The following MAP3K3 variants were observed in gnomAD, a reference collection of about 807,000 sequenced individuals.
The protein encoded by MAP3K3 is mitogen-activated protein kinase kinase kinase 3.
MAP3K3 carries 12 observed loss-of-function variants against 80.9 expected under a neutral mutation model. The ratio of observed to expected loss-of-function variants is 0.15; its 90% CI spans 0.10 to 0.24. MAP3K3 has a LOEUF of 0.24. Among genes scored for constraint, MAP3K3 ranks in the 10% least tolerant of loss-of-function variants. MAP3K3 has a pLI of 1.00. For synonymous variants in MAP3K3, 272 were observed against 307.1 expected, an observed-to-expected ratio of 0.89 and a Z score of 1.19; for missense variants, 596 against 834.7, an observed-to-expected ratio of 0.71 and a Z score of 3.52.
chr17:63,651,123 C>T (rs1458183756), intron 3 of MAP3K3, among the ~76,000 whole-genome samples: 1 of 152,030 alleles, frequency 6.6e-6, no homozygotes, highest in East Asian at 1.9e-4. Flanking sequence ...ATAAAATTGC[C>T]ACTTTTATAT....
At chr17:63,628,850 C>T (rs1305006058) in intron 1 of MAP3K3, among the ~76,000 whole-genome samples, 1 of 152,050 alleles carries the variant, frequency 6.6e-6, no homozygotes, top group Non-Finnish European at 1.5e-5. Flanking sequence ...ATTAAATGGC[C>T]TCCAGTCTTT....
At chr17:63,635,176 T>C (rs1226686842) in intron 2 of MAP3K3, among the ~76,000 whole-genome samples, 2 of 152,208 alleles carry the variant, frequency 1.3e-5, no homozygotes, top group African/African-American at 2.4e-5. Flanking sequence ...TTGGACAGCA[T>C]GACTTTATGC....
In MAP3K3 at chr17:63,652,539, CTTTCTG is replaced by C. The variant is rs754004595; in HGVS notation, c.168-12_168-7del. 4.4e-6 allele frequency: 7 copies of C among 1,577,894 alleles called. No individual in the cohort carries two copies. In the South Asian group the frequency reaches 6.6e-5, roughly 15 times the overall value. Reference sequence around the variant, plus strand: ...TTAAGTATACAATTAACCAACCTTTCTTTCTGTTTCTTTTCAGAATTATAGCGTTCA... The same window carrying C: ...TTAAGTATACAATTAACCAACCTTTCTTTCTTTTCAGAATTATAGCGTTCA... On this transcript the variant is annotated splice_polypyrimidine_tract_variant and intron_variant, in intron 3 of 15. Transcript: ENST00000361733.
intron 5 of MAP3K3, among the ~76,000 whole-genome samples, chr17:63,658,285 C>A (rs1025744154): frequency 3.3e-5 from 5 of 152,200 alleles, no homozygotes; most frequent in African/African-American, 1.2e-4. Flanking sequence ...TTGAGACTGT[C>A]ATGCTTTATA....
chr17:63,636,784 C>T (rs547882043), intron 2 of MAP3K3: 18 of 322,600 alleles, frequency 5.6e-5, no homozygotes, highest in South Asian at 2.7e-4. Context: ...GGAGGCAGCC[C>T]GGCTGTGGGA....
At chr17:63,666,888 T>TA in intron 5 of MAP3K3, 52 bp from the exon 6 acceptor site, 4 of 1,603,266 alleles carry the variant, frequency 2.5e-6, no homozygotes, top group Non-Finnish European at 3.4e-6. Flanking sequence ...AAGACCTTGA[T>TA]AGGCCTGACT....
chr17:63,666,020 G>C (rs1437368691), intron 5 of MAP3K3, among the ~76,000 whole-genome samples: 1 of 152,174 alleles, frequency 6.6e-6, no homozygotes, highest in Non-Finnish European at 1.5e-5. Flanking sequence ...CCAGTGCCCT[G>C]CTTATTTGTA....
intron 3 of MAP3K3, among the ~76,000 whole-genome samples, chr17:63,650,696 G>GAGAGAGA (rs752583799): frequency 8.9e-6 from 1 of 112,484 alleles, no homozygotes; most frequent in South Asian, 2.6e-4. Context: ...GAGAGAGAGA[G>GAGAGAGA]TTTTTTTTTT....
At chr17:63,690,124 T>G in intron 11 of MAP3K3, 140 bp from the exon 12 acceptor site, 3 of 949,156 alleles carry the variant, frequency 3.2e-6, no homozygotes, top group Non-Finnish European at 4.7e-6. Flanking sequence ...TTGCTCCAGA[T>G]TGTGGTGGAG....
rs1168027068 is a variant in MAP3K3 at position 63,638,306 on chromosome 17, G to A, written c.126+5504G>A. On this transcript the variant is annotated intron_variant, in intron 2 of 15. Transcript: ENST00000361733. ...CCAGAAATGTGGGGAGGCATCAAAG[G>A]TATGTAGCAAATGCAGGGAGAGAAA... Among the ~76,000 whole-genome samples, 7 of 152,258 alleles carry A rather than the reference G, an allele frequency of 4.6e-5. No homozygotes were observed. In the South Asian group the frequency reaches 1.5e-3, roughly 32 times the overall value.
intron 1 of MAP3K3, among the ~76,000 whole-genome samples, chr17:63,629,282 GC>G (rs1782049255): frequency 6.6e-6 from 1 of 151,952 alleles, no homozygotes; most frequent in African/African-American, 2.4e-5. Flanking sequence ...ACCACCACGC[GC>G]AGTTAATTTT....
At position 63,692,016 on chromosome 17, in the gene MAP3K3, A is replaced by C. The variant is rs530372291; in HGVS notation, c.1474+154A>C. On this transcript the variant is annotated intron_variant, in intron 14 of 15. Transcript: ENST00000361733. This position sits in a 1 kb window ranked among gnomAD's most constrained non-coding sequence, Gnocchi z 4.5. ...GAACTGGTGAGATTGGTTGAGCAAT[A>C]TGAGAGAATATTGCCAAGTTCCCTC... Among the ~76,000 whole-genome samples, 9 of 152,178 alleles carry C rather than the reference A, an allele frequency of 5.9e-5. No individual in the cohort carries two copies. Among genetic ancestry groups the C allele is most frequent in the Non-Finnish European group, 1.2e-4 (8 of 68,024 alleles).
intron 3 of MAP3K3, among the ~76,000 whole-genome samples, chr17:63,650,851 C>A (rs1286237037): frequency 1.3e-5 from 2 of 151,970 alleles, no homozygotes; most frequent in Admixed American, 1.3e-4. Flanking sequence ...ACTATCACAC[C>A]TGGCTAATTT....
At chr17:63,625,973 C>G (rs1214729355) in intron 1 of MAP3K3, among the ~76,000 whole-genome samples, 3 of 151,944 alleles carry the variant, frequency 2.0e-5, no homozygotes, top group Admixed American at 1.3e-4. Context: ...CCCAGGAGAC[C>G]GAGGTGGGAA....
intron 2 of MAP3K3, among the ~76,000 whole-genome samples, chr17:63,635,345 G>A (rs761683779): frequency 7.9e-5 from 12 of 152,160 alleles, no homozygotes; most frequent in Admixed American, 2.6e-4. Flanking sequence ...TCTGTTTTAG[G>A]AAGAATGTGA....
Position 63,690,429 on chromosome 17 carries a change from G to A in MAP3K3, c.1212+17G>A. On this transcript the variant is annotated intron_variant, in intron 12 of 15. Transcript: ENST00000361733. ...ACAAGCAAGGTACACTTAACCCGTG[G>A]TCTGACTTCAGTTCCCTCCTTTCAA... 1 of 1,611,192 alleles carries A rather than the reference G, an allele frequency of 6.2e-7. No individual in the cohort carries two copies. Among genetic ancestry groups the A allele is most frequent in the Non-Finnish European group, 8.5e-7 (1 of 1,178,284 alleles).
chr17:63,658,896 G>T (rs1330402914), intron 5 of MAP3K3, among the ~76,000 whole-genome samples: 1 of 151,998 alleles, frequency 6.6e-6, no homozygotes, highest in African/African-American at 2.4e-5. Flanking sequence ...CACCATGCCT[G>T]GCTAATTTTT....
At chr17:63,646,869 A>T (rs2034550774) in intron 3 of MAP3K3, among the ~76,000 whole-genome samples, 1 of 152,308 alleles carries the variant, frequency 6.6e-6, no homozygotes, top group Admixed American at 6.5e-5. Flanking sequence ...GCACATGTAC[A>T]CATAAATGTG....
intron 3 of MAP3K3, among the ~76,000 whole-genome samples, chr17:63,646,847 T>A (rs2034549921): frequency 1.3e-5 from 2 of 152,204 alleles, no homozygotes; most frequent in Non-Finnish European, 2.9e-5. Flanking sequence ...CTTGCATGTT[T>A]GTGCATGTGC....
Sources: allele counts gnomAD v4.1 joint callset (sites outside exome capture counted in the v4.1 genomes callset), GRCh38; gene constraint gnomAD v4.1.1; non-coding constraint Gnocchi (gnomAD v3.1); transcripts MANE v1.5; gene names NCBI Gene and HGNC (gene_info 2026-07-23, HGNC 2026-07-21).